NCKAP5: variants seen among roughly 807,000 people sequenced by gnomAD.
The protein encoded by NCKAP5 is NCK associated protein 5.
Under a neutral mutation model 167.0 loss-of-function variants are expected in NCKAP5, and 92 were observed. The ratio of observed to expected loss-of-function variants is 0.55; its 90% CI spans 0.47 to 0.66. The LOEUF (loss-of-function observed/expected upper bound fraction) is 0.66, where lower values mean the gene tolerates loss of function less well. Among genes scored for constraint, NCKAP5 ranks in the 30% least tolerant of loss-of-function variants. NCKAP5 has a pLI of 0.00. For missense variants in NCKAP5, 2,378 were observed against 2,315.0 expected, an observed-to-expected ratio of 1.03 and a Z score of -0.56; for synonymous variants, 891 against 877.4, an observed-to-expected ratio of 1.02 and a Z score of -0.27.
chr2:133,559,337 G>A (rs530866476), intron 1 of NCKAP5, among the ~76,000 whole-genome samples: 19 of 152,178 alleles, frequency 1.2e-4, no homozygotes, highest in African/African-American at 2.6e-4. Context: ...GGGCAAAATC[G>A]CTGCTGATTT....
intron 6 of NCKAP5, among the ~76,000 whole-genome samples, chr2:133,053,599 C>T (rs1259085910): frequency 6.6e-6 from 1 of 152,204 alleles, no homozygotes; most frequent in Non-Finnish European, 1.5e-5. Context: ...TCCTACTGTG[C>T]CATGCATGGC....
chr2:133,538,429 A>C (rs1463780995), intron 2 of NCKAP5, among the ~76,000 whole-genome samples: 3 of 152,202 alleles, frequency 2.0e-5, no homozygotes, highest in Non-Finnish European at 4.4e-5. Context: ...TTCTAAAGCC[A>C]AGCCATGGAA....
At chr2:133,248,814 C>T (rs2088143287) in intron 4 of NCKAP5, among the ~76,000 whole-genome samples, 1 of 152,196 alleles carries the variant, frequency 6.6e-6, no homozygotes, top group African/African-American at 2.4e-5. Context: ...CCAACCAGAT[C>T]AACAGACCCA....
At chr2:133,559,768 C>G (rs1688027396) in intron 1 of NCKAP5, among the ~76,000 whole-genome samples, 1 of 152,138 alleles carries the variant, frequency 6.6e-6, no homozygotes, top group South Asian at 2.1e-4. Flanking sequence ...TAGTTATAAG[C>G]CTTCCATTAT....
intron 11 of NCKAP5, among the ~76,000 whole-genome samples, chr2:132,823,718 T>A (rs1686928256): frequency 6.6e-6 from 1 of 152,154 alleles, no homozygotes. Context: ...AATACTAATG[T>A]TGAATGTAAA....
intron 3 of NCKAP5, among the ~76,000 whole-genome samples, chr2:133,386,373 A>G (rs1686967324): frequency 6.6e-6 from 1 of 152,216 alleles, no homozygotes; most frequent in African/African-American, 2.4e-5. Flanking sequence ...TGAGTTTCTT[A>G]ATCCTGAGTT....
chr2:133,287,381 A>G (rs1679226340), intron 4 of NCKAP5, among the ~76,000 whole-genome samples: 1 of 152,226 alleles, frequency 6.6e-6, no homozygotes, highest in Non-Finnish European at 1.5e-5. Flanking sequence ...GAAACAAGAA[A>G]ATCAATTGGC....
intron 4 of NCKAP5, among the ~76,000 whole-genome samples, chr2:133,259,343 C>A (rs1048715170): frequency 5.9e-5 from 9 of 152,172 alleles, no homozygotes; most frequent in African/African-American, 1.9e-4. Flanking sequence ...TCCTTGAAGG[C>A]ATTTGTATTT....
chr2:132,727,011 C>A (rs1558975965), intron 18 of NCKAP5, among the ~76,000 whole-genome samples: 1 of 152,192 alleles, frequency 6.6e-6, no homozygotes, highest in African/African-American at 2.4e-5. Flanking sequence ...AGGCATCGTG[C>A]CAGGTACTAG....
At chr2:133,473,099 C>T (rs1679497899) in intron 3 of NCKAP5, among the ~76,000 whole-genome samples, 2 of 152,062 alleles carry the variant, frequency 1.3e-5, no homozygotes, top group African/African-American at 2.4e-5. Flanking sequence ...TTTGGGAGGC[C>T]AAGGCGGGTG....
At chr2:132,807,967 G>C (rs1394421282) in intron 11 of NCKAP5, among the ~76,000 whole-genome samples, 6 of 151,986 alleles carry the variant, frequency 3.9e-5, no homozygotes. Context: ...AATCATAAAG[G>C]GATGCTGGAT....
At chr2:133,340,544 T>C (rs191189747) in intron 3 of NCKAP5, among the ~76,000 whole-genome samples, 1 of 152,290 alleles carries the variant, frequency 6.6e-6, no homozygotes, top group South Asian at 2.1e-4. Flanking sequence ...CTTACAACAG[T>C]GGCTCTGGAT....
chr2:133,674,234 AG>A, the NCKAP5 span, among the ~76,000 whole-genome samples: 3 of 73,770 alleles, frequency 4.1e-5, no homozygotes, highest in Non-Finnish European at 5.6e-5. Flanking sequence ...ACCCAGGAAG[AG>A]GGAAAAAAGA....
intron 12 of NCKAP5, among the ~76,000 whole-genome samples, chr2:132,795,820 G>GAAAAAAAAAAAAAAAA (rs55826486): frequency 5.9e-5 from 5 of 85,008 alleles, no homozygotes; most frequent in Non-Finnish European, 1.0e-4. Context: ...CCCCGTATCA[G>GAAAAAAAAAAAAAAAA]AAAAAAAAAA....
intron 11 of NCKAP5, among the ~76,000 whole-genome samples, chr2:132,823,502 G>A (rs137861656): frequency 3.6e-4 from 55 of 151,974 alleles, no homozygotes; most frequent in Non-Finnish European, 1.5e-4. Context: ...AATAAATACC[G>A]AGAGAATTCA....
chr2:132,804,061 A>AAAACAAACAAAC (rs3043673), intron 11 of NCKAP5, among the ~76,000 whole-genome samples: 180 of 152,000 alleles, frequency 1.2e-3, no homozygotes, highest in East Asian at 2.3e-3. Flanking sequence ...AAGTCTTTAC[A>AAAACAAACAAAC]AAACAAACAA....
the NCKAP5 span, among the ~76,000 whole-genome samples, chr2:133,594,514 A>G: frequency 8.5e-5 from 13 of 152,130 alleles, no homozygotes; most frequent in African/African-American, 3.1e-4. Flanking sequence ...CCCGACACTA[A>G]GTAGGTATGC....
intron 6 of NCKAP5, among the ~76,000 whole-genome samples, chr2:133,089,630 T>A (rs745314876): frequency 6.6e-6 from 1 of 152,204 alleles, no homozygotes; most frequent in Non-Finnish European, 1.5e-5. Flanking sequence ...TCAATGTACA[T>A]TGAAACTATG....
intron 3 of NCKAP5, among the ~76,000 whole-genome samples, chr2:133,470,295 T>TG (rs1264992612): frequency 6.6e-6 from 1 of 151,906 alleles, no homozygotes; most frequent in Non-Finnish European, 1.5e-5. Context: ...GTGCCCCTGC[T>TG]GGGGGGTGCC....
Sources: allele counts gnomAD v4.1 joint callset (sites outside exome capture counted in the v4.1 genomes callset), GRCh38; gene constraint gnomAD v4.1.1; transcripts MANE v1.5; gene names NCBI Gene and HGNC (gene_info 2026-07-23, HGNC 2026-07-21).